Variants in RAP1GAP2 observed in about 807,000 individuals in gnomAD.
RAP1GAP2 encodes the protein RAP1 GTPase activating protein 2.
In RAP1GAP2, 27 loss-of-function variants were observed where a neutral mutation model predicts 95.0. The observed-to-expected ratio is 0.28, with a 90% CI of 0.21 to 0.39. The LOEUF is 0.39. RAP1GAP2 is among the 10% of genes least tolerant of loss of function. The probability of loss-of-function intolerance (pLI) is 1.00; values close to 1 mark genes in which losing one functional copy is unlikely to be tolerated. For missense variants in RAP1GAP2, 771 were observed against 970.0 expected (o/e 0.79, Z 2.72); for synonymous variants, 373 against 380.9 (o/e 0.98, Z 0.24).
chr17:2,848,150 G>A (rs553152634), intron 2 of RAP1GAP2, among the ~76,000 whole-genome samples: 113 of 152,260 alleles, frequency 7.4e-4, no homozygotes, highest in Admixed American at 1.3e-3. Flanking sequence ...GTACCAGAGC[G>A]CAGGGTGCCC....
Position 3,029,221 on chromosome 17 carries a change from G to A in RAP1GAP2, c.2108-1701G>A, listed in dbSNP as rs1339240306. ...GTTAAATAAACGTCAAAGTAAGGAA[G>A]GTTTTGAGTAAAGGAATTAGAGAGT... On this transcript the variant is annotated intron_variant, in intron 22 of 24. Transcript: ENST00000254695. This position sits in a 1 kb window ranked among gnomAD's most constrained non-coding sequence, Gnocchi z 4.4. 6.6e-6 allele frequency among the ~76,000 whole-genome samples: 1 copy of A among 152,224 alleles called. No individual in the cohort carries two copies. The highest frequency in any genetic ancestry group is 1.5e-5 in the Non-Finnish European group (1 of 68,036).
chr17:2,975,921 G>GA (rs767684083), intron 8 of RAP1GAP2, among the ~76,000 whole-genome samples: 4 of 152,242 alleles, frequency 2.6e-5, no homozygotes, highest in Non-Finnish European at 5.9e-5. Flanking sequence ...ACTGGGCAGG[G>GA]AAAGAGTCCT....
At chr17:3,014,121 G>A (rs4790411) in intron 17 of RAP1GAP2, among the ~76,000 whole-genome samples, 99,094 of 150,666 alleles carry the variant, frequency 0.66, 32,727 homozygotes, top group Admixed American at 0.68. Context: ...TAGGACACAC[G>A]TCGGCTATAG....
At chr17:2,794,842 A>G (rs561238646), upstream of RAP1GAP2, among the ~76,000 whole-genome samples, 9 of 150,378 alleles carry the variant, frequency 6.0e-5, no homozygotes, top group East Asian at 1.8e-3. Flanking sequence ...GAGAGAGGCC[A>G]ATGGCACCAG....
intron 2 of RAP1GAP2, among the ~76,000 whole-genome samples, chr17:2,817,049 A>G (rs4790367): frequency 0.67 from 63,401 of 94,124 alleles, 26,724 homozygotes; most frequent in African/African-American, 0.9. Flanking sequence ...TTGCCGTGGT[A>G]TGATCTTGGC....
At chr17:2,905,435 G>T in intron 3 of RAP1GAP2, 67 bp downstream of exon 3, 4 of 1,515,288 alleles carry the variant, frequency 2.6e-6, no homozygotes, top group South Asian at 2.3e-5. Context: ...CCTTGCTGTG[G>T]CTTTGGCTCC....
chr17:2,957,619 A>AT, intron 3 of RAP1GAP2, 140 bp from the exon 4 acceptor site: 1 of 990,480 alleles, frequency 1.0e-6, no homozygotes, highest in Non-Finnish European at 1.5e-6. Context: ...AAATCAAATT[A>AT]TCTTCTCTGT....
At chr17:2,891,335 C>T (rs1252988147) in intron 2 of RAP1GAP2, among the ~76,000 whole-genome samples, 1 of 151,670 alleles carries the variant, frequency 6.6e-6, no homozygotes, top group Non-Finnish European at 1.5e-5. Context: ...GAGACATGGT[C>T]TCACTATATT....
chr17:2,991,481 C>A, intron 12 of RAP1GAP2, 84 bp downstream of exon 12: 2 of 1,042,376 alleles, frequency 1.9e-6, no homozygotes, highest in South Asian at 1.4e-5. Context: ...TCAGGGAGCA[C>A]GTGTGAGTTA....
chr17:2,888,807 C>T (rs180952272), intron 2 of RAP1GAP2, among the ~76,000 whole-genome samples: 23 of 139,868 alleles, frequency 1.6e-4, no homozygotes, highest in Non-Finnish European at 1.7e-4. Context: ...TACACCACCA[C>T]GCCCAGCTAA....
At chr17:2,901,481 C>T (rs906456631) in intron 2 of RAP1GAP2, among the ~76,000 whole-genome samples, 6 of 152,170 alleles carry the variant, frequency 3.9e-5, no homozygotes, top group South Asian at 2.1e-4. Flanking sequence ...GAGTTGCATG[C>T]GAGTATGGGG....
At chr17:2,841,931 G>T (rs1020185058) in intron 2 of RAP1GAP2, among the ~76,000 whole-genome samples, 1 of 152,234 alleles carries the variant, frequency 6.6e-6, no homozygotes, top group Non-Finnish European at 1.5e-5. Flanking sequence ...TGGCAGGCAG[G>T]TGAGGAGACC....
intron 13 of RAP1GAP2, among the ~76,000 whole-genome samples, chr17:2,996,289 A>C (rs764536048): frequency 5.3e-5 from 8 of 152,100 alleles, no homozygotes; most frequent in Non-Finnish European, 1.0e-4. Context: ...ACAGCCGTGC[A>C]TCCCTGGGGA....
chr17:2,926,662 C>A (rs2042964713), intron 3 of RAP1GAP2, among the ~76,000 whole-genome samples: 1 of 152,116 alleles, frequency 6.6e-6, no homozygotes, highest in African/African-American at 2.4e-5. Context: ...TATCATCTTA[C>A]AGTTCTGAGG....
In RAP1GAP2 at chr17:2,995,371, A is replaced by G. The variant is rs1194322220; in HGVS notation, c.949A>G (p.Thr317Ala). 1 of 1,613,860 alleles carries G rather than the reference A, an allele frequency of 6.2e-7. No homozygotes were observed. Among genetic ancestry groups the G allele is most frequent in the Non-Finnish European group, 8.5e-7 (1 of 1,179,750 alleles). Residue 317 changes from threonine (T) to alanine (A), a missense_variant, in exon 13 of 25, where the codon ACA becomes GCA. Coordinates refer to ENST00000254695, the MANE Select transcript of RAP1GAP2 (RefSeq NM_015085.5). ...RGGLDVTHGQ[T>A]GVESVYTTFR... ...AGGCCTGGACGTGACCCACGGACAG[A>G]CAGGGGTGGAATCAGTGTACACAAC...
chr17:2,824,848 T>C (rs529046830), intron 2 of RAP1GAP2, among the ~76,000 whole-genome samples: 295 of 151,784 alleles, frequency 1.9e-3, no homozygotes, highest in African/African-American at 5.8e-3. Context: ...CGGCTGGAGA[T>C]GCCTGTGGTG....
chr17:2,878,394 G>A (rs927970665), intron 2 of RAP1GAP2, among the ~76,000 whole-genome samples: 4 of 152,164 alleles, frequency 2.6e-5, no homozygotes, highest in African/African-American at 9.7e-5. Context: ...CCTTGGGTTG[G>A]TGGGTGCAGC....
rs1435765271 is a variant in RAP1GAP2, at chr17:2,963,861, G to A, written c.285G>A (p.Val95=). ...YIPYPSIDEV[V]EKGGPYPQVI... ...GACCCTCCCTCTGCCTTCAGGTTGT[G>A]GAGAAGGGAGGCCCGTACCCTCAGG... Residue 95 remains valine (V), a synonymous_variant, in exon 7 of 25, where the codon GTG becomes GTA. Coordinates refer to ENST00000254695, the MANE Select transcript of RAP1GAP2 (RefSeq NM_015085.5). The surrounding 1 kb of genome is among the most constrained non-coding windows in gnomAD (Gnocchi z 4.8). 4 of 1,601,458 alleles carry A rather than the reference G, an allele frequency of 2.5e-6. No homozygotes were observed. The highest frequency in any genetic ancestry group is 3.4e-6 in the Non-Finnish European group (4 of 1,173,966).
chr17:2,779,799 G>A (rs531765909), intron 1 of RAP1GAP2, among the ~76,000 whole-genome samples: 38 of 56,160 alleles, frequency 6.8e-4, no homozygotes, highest in African/African-American at 2.7e-3. Context: ...GCAGGGGGCT[G>A]GGGGGGGGCA....
Sources: gnomAD v4.1 joint callset for allele counts (sites outside exome capture counted in the v4.1 genomes callset) on GRCh38, gnomAD v4.1.1 for gene constraint, Gnocchi (gnomAD v3.1) non-coding constraint, MANE v1.5 for transcripts, NCBI Gene and HGNC (gene_info 2026-07-23, HGNC 2026-07-21) for gene names.